Variants in WWOX observed in about 807,000 individuals in gnomAD.
WWOX encodes WW domain containing oxidoreductase, also known as WW domain-containing oxidoreductase.
A neutral mutation model predicts 46.2 loss-of-function variants in WWOX; 69 were observed. That is an observed-to-expected ratio of 1.49 (90% CI 1.23 to 1.82). The LOEUF is 1.82. WWOX is among the 40% of genes most tolerant of loss of function. The pLI is 0.00. For missense variants in WWOX, 919 were observed against 542.6 expected, an observed-to-expected ratio of 1.69 and a Z score of -6.89; for synonymous variants, 359 against 202.6, an observed-to-expected ratio of 1.77 and a Z score of -6.56.
chr16:78,737,589 C>A (rs73571681), intron 8 of WWOX, among the ~76,000 whole-genome samples: 22 of 152,214 alleles, frequency 1.4e-4, no homozygotes, highest in African/African-American at 4.1e-4. Context: ...CACCCTACTC[C>A]CACCCTTCTC....
intron 5 of WWOX, among the ~76,000 whole-genome samples, chr16:78,330,818 G>A (rs72792379): frequency 6.6e-6 from 1 of 152,168 alleles, no homozygotes; most frequent in Admixed American, 6.5e-5. Context: ...GACTTCATTT[G>A]TACTTTCAAA....
intron 8 of WWOX, among the ~76,000 whole-genome samples, chr16:78,979,660 A>G (rs1336636998): frequency 1.3e-5 from 2 of 152,286 alleles, no homozygotes; most frequent in Admixed American, 1.3e-4. Context: ...CTCTAAGACA[A>G]TGATCAGTAC....
chr16:78,731,844 TC>T (rs1425636280), intron 8 of WWOX, among the ~76,000 whole-genome samples: 9 of 99,702 alleles, frequency 9.0e-5, no homozygotes, highest in Admixed American at 8.6e-4. Flanking sequence ...TTTTTCTTTC[TC>T]TTTTTTTTTT....
intron 8 of WWOX, among the ~76,000 whole-genome samples, chr16:78,472,327 C>T (rs16947629): frequency 6.6e-6 from 1 of 151,958 alleles, no homozygotes; most frequent in Non-Finnish European, 1.5e-5. Flanking sequence ...ATATTCCAAG[C>T]CTGTCAATTC....
In WWOX at chr16:79,181,433, T is replaced by A. The variant is rs183836724; in HGVS notation, c.1057-30175T>A. ...AATATATGTTATTATATACTGCTGG[T>A]TTTAATTTTGTAGGACAGATGGGAT... On this transcript the variant is annotated intron_variant, in intron 8 of 8. Transcript: ENST00000566780. 3.3e-5 allele frequency among the ~76,000 whole-genome samples: 5 copies of A among 152,322 alleles called. No individual in the cohort carries two copies. The East Asian group carries it at 9.6e-4, about 29-fold the overall frequency.
At position 79,178,491 on chromosome 16, in the gene WWOX, A is replaced by T. The variant is rs546544611; in HGVS notation, c.1057-33117A>T. On this transcript the variant is annotated intron_variant, in intron 8 of 8. Coordinates refer to ENST00000566780, the MANE Select transcript of WWOX (RefSeq NM_016373.4). ...CCACCATGCCTGGCTAATTTTCTAA[A>T]TTTTTTGTAGAGACAAGGTCTCACT... is the stretch of plus-strand genomic sequence containing the variant. Among the ~76,000 whole-genome samples the T allele has an allele frequency of 2.6e-5, 4 of 152,054 alleles. No homozygotes were observed. The East Asian group carries it at 5.8e-4, about 22-fold the overall frequency.
chr16:78,455,036 C>G lies in WWOX; in HGVS notation c.1056+22284C>G, dbSNP rs149536766. On this transcript the variant is annotated intron_variant, in intron 8 of 8. Transcript: ENST00000566780. ...AAAAATGAGCAAGGTGTTCTCTTGG[C>G]TCTATGGGTGCCTACCTTAGAAGGA... 9.2e-5 allele frequency among the ~76,000 whole-genome samples: 14 copies of G among 152,280 alleles called. No individual in the cohort carries two copies. In the East Asian group the frequency reaches 1.9e-3, roughly 21 times the overall value.
At chr16:79,067,637 C>CA (rs1491216972) in intron 8 of WWOX, among the ~76,000 whole-genome samples, 1 of 80,872 alleles carries the variant, frequency 1.2e-5, no homozygotes, top group African/African-American at 3.9e-5. Context: ...GGGTGGGGGG[C>CA]GGGGGGGGGC....
intron 8 of WWOX, among the ~76,000 whole-genome samples, chr16:78,709,303 C>G (rs2048389082): frequency 1.3e-5 from 2 of 152,188 alleles, no homozygotes; most frequent in Admixed American, 6.5e-5. Context: ...ACAAGATTAA[C>G]TCATTTAACT....
At chr16:79,091,395 T>G (rs1246883238) in intron 8 of WWOX, among the ~76,000 whole-genome samples, 1 of 152,174 alleles carries the variant, frequency 6.6e-6, no homozygotes, top group Non-Finnish European at 1.5e-5. Flanking sequence ...CACAGATGAA[T>G]TTGAAGGCTG....
At chr16:78,402,816 G>T (rs1045043430) in intron 6 of WWOX, among the ~76,000 whole-genome samples, 1 of 152,180 alleles carries the variant, frequency 6.6e-6, no homozygotes, top group Non-Finnish European at 1.5e-5. Flanking sequence ...TAACCAATCA[G>T]TGCTGGCTCC....
intron 8 of WWOX, among the ~76,000 whole-genome samples, chr16:78,867,853 A>G (rs76918190): frequency 0.035 from 5,354 of 152,256 alleles, 349 homozygotes; most frequent in African/African-American, 0.12. Flanking sequence ...TGACATGCCT[A>G]CTAGCTTAGC....
chr16:78,534,723 TA>T (rs1222695930), intron 8 of WWOX, among the ~76,000 whole-genome samples: 53 of 148,176 alleles, frequency 3.6e-4, no homozygotes, highest in Admixed American at 1.9e-3. Flanking sequence ...TATTTCATTT[TA>T]TTTTTTTTGA....
At chr16:78,636,983 C>T (rs1180668840) in intron 8 of WWOX, among the ~76,000 whole-genome samples, 1 of 152,132 alleles carries the variant, frequency 6.6e-6, no homozygotes, top group Non-Finnish European at 1.5e-5. Flanking sequence ...GTGCAATTCC[C>T]AACAGAGGCA....
intron 8 of WWOX, among the ~76,000 whole-genome samples, chr16:79,067,838 G>A (rs577156769): frequency 2.0e-5 from 3 of 152,302 alleles, no homozygotes; most frequent in East Asian, 1.9e-4. Context: ...CGAGTCATCT[G>A]CAAATGAAAA....
chr16:78,337,192 G>A (rs1408765283), intron 5 of WWOX, among the ~76,000 whole-genome samples: 2 of 152,192 alleles, frequency 1.3e-5, no homozygotes, highest in Non-Finnish European at 2.9e-5. Flanking sequence ...GTGTAAGACT[G>A]TGTTATTAGC....
chr16:78,909,338 G>C (rs560429717), intron 8 of WWOX, among the ~76,000 whole-genome samples: 1 of 152,308 alleles, frequency 6.6e-6, no homozygotes, highest in Non-Finnish European at 1.5e-5. Flanking sequence ...ATCCGCTTTG[G>C]TAAGAGTGGC....
At chr16:79,152,324 G>A (rs973108950) in intron 8 of WWOX, among the ~76,000 whole-genome samples, 1 of 152,156 alleles carries the variant, frequency 6.6e-6, no homozygotes, top group East Asian at 1.9e-4. Context: ...CCTGAATCAG[G>A]AGTGGAAGAG....
At chr16:78,721,610 G>T (rs973609264) in intron 8 of WWOX, among the ~76,000 whole-genome samples, 1 of 152,156 alleles carries the variant, frequency 6.6e-6, no homozygotes, top group Non-Finnish European at 1.5e-5. Context: ...TTTTTATAAA[G>T]CAGGACATGT....
Sources: gnomAD v4.1 joint callset for allele counts (sites outside exome capture counted in the v4.1 genomes callset) on GRCh38, gnomAD v4.1.1 for gene constraint, MANE v1.5 for transcripts, NCBI Gene and HGNC (gene_info 2026-07-23, HGNC 2026-07-21) for gene names.